The following UBE2E2 variants were observed in gnomAD, a reference collection of about 807,000 sequenced individuals.
UBE2E2 encodes the protein ubiquitin-conjugating enzyme E2 E2.
UBE2E2 carries 6 observed loss-of-function variants against 24.7 expected under a neutral mutation model. That is an observed-to-expected ratio of 0.24 (90% CI 0.13 to 0.48). The LOEUF (loss-of-function observed/expected upper bound fraction) is 0.48. UBE2E2 is among the 20% of genes least tolerant of loss of function. The pLI is 0.99. For synonymous variants in UBE2E2, 104 were observed against 83.6 expected (o/e 1.24, Z -1.33); for missense variants, 169 against 245.0 (o/e 0.69, Z 2.07).
intron 4 of UBE2E2, among the ~76,000 whole-genome samples, chr3:23,502,277 A>G (rs1403270727): frequency 6.6e-6 from 1 of 150,880 alleles, no homozygotes; most frequent in Non-Finnish European, 1.5e-5. Flanking sequence ...GATTCCTGCA[A>G]CATTTCCCAA....
chr3:23,269,816 G>T (rs1319719119), intron 3 of UBE2E2, among the ~76,000 whole-genome samples: 1 of 152,176 alleles, frequency 6.6e-6, no homozygotes, highest in Non-Finnish European at 1.5e-5. Context: ...GGAAAATGAT[G>T]TGCAGCTTAA....
At chr3:23,422,970 C>A (rs1697839488) in intron 3 of UBE2E2, among the ~76,000 whole-genome samples, 1 of 152,176 alleles carries the variant, frequency 6.6e-6, no homozygotes, top group South Asian at 2.1e-4. Context: ...TTATCACCTT[C>A]CCATACTAGG....
In UBE2E2 at chr3:23,217,922, A is replaced by G. The variant is rs548960734; in HGVS notation, c.227+610A>G. Among the ~76,000 whole-genome samples, 18 of 152,240 alleles carry G rather than the reference A, an allele frequency of 1.2e-4. No individual in the cohort carries two copies. In the East Asian group the frequency reaches 3.3e-3, roughly 28 times the overall value. ...GTTAATGTTATAAAGATACATGGAC[A>G]AAGAGGAGAAAAATAACCTCTTACC... On this transcript the variant is annotated intron_variant, in intron 3 of 5. Coordinates refer to ENST00000396703, the MANE Select transcript of UBE2E2 (RefSeq NM_152653.4).
At chr3:23,400,202 A>G (rs1158443775) in intron 3 of UBE2E2, among the ~76,000 whole-genome samples, 1 of 152,218 alleles carries the variant, frequency 6.6e-6, no homozygotes, top group African/African-American at 2.4e-5. Context: ...CAAAATACCA[A>G]GCTTGGAAAA....
At chr3:23,550,222 A>G (rs113516125) in intron 5 of UBE2E2, among the ~76,000 whole-genome samples, 3,391 of 152,238 alleles carry the variant, frequency 0.022, 142 homozygotes, top group African/African-American at 0.076. Flanking sequence ...TTTATAATCT[A>G]GATAACTATT....
chr3:23,512,523 G>A (rs1694624703), intron 4 of UBE2E2, among the ~76,000 whole-genome samples: 1 of 152,006 alleles, frequency 6.6e-6, no homozygotes, highest in Non-Finnish European at 1.5e-5. Flanking sequence ...ACGGGCATGA[G>A]CCACTGCACC....
chr3:23,453,257 T>TA (rs1698604767), intron 3 of UBE2E2, among the ~76,000 whole-genome samples: 1 of 152,228 alleles, frequency 6.6e-6, no homozygotes, highest in South Asian at 2.1e-4. Context: ...TTATTTAAAA[T>TA]ATTGAATTTT....
intron 4 of UBE2E2, among the ~76,000 whole-genome samples, chr3:23,504,783 A>G (rs1006338360): frequency 6.6e-6 from 1 of 152,146 alleles, no homozygotes; most frequent in Admixed American, 6.5e-5. Flanking sequence ...ACATCAAATA[A>G]AATTAACAAG....
chr3:23,339,601 T>G (rs1038477659), intron 3 of UBE2E2, among the ~76,000 whole-genome samples: 3 of 152,110 alleles, frequency 2.0e-5, no homozygotes, highest in Non-Finnish European at 4.4e-5. Flanking sequence ...TTTTCTTTAA[T>G]TTAATGAAGG....
intron 3 of UBE2E2, among the ~76,000 whole-genome samples, chr3:23,470,945 A>G (rs1699022622): frequency 6.6e-6 from 1 of 152,150 alleles, no homozygotes; most frequent in African/African-American, 2.4e-5. Context: ...CTGGACAGTT[A>G]TGTTCCGACA....
intron 5 of UBE2E2, among the ~76,000 whole-genome samples, chr3:23,540,745 C>T (rs545555974): frequency 6.6e-6 from 1 of 152,148 alleles, no homozygotes; most frequent in Admixed American, 6.5e-5. Context: ...GATGAAACCT[C>T]ATTCTGTTGC....
intron 3 of UBE2E2, among the ~76,000 whole-genome samples, chr3:23,406,534 C>T (rs1393982940): frequency 1.3e-5 from 2 of 152,058 alleles, no homozygotes; most frequent in Non-Finnish European, 2.9e-5. Context: ...TATGTATCCG[C>T]TTGAAACTGT....
intron 3 of UBE2E2, among the ~76,000 whole-genome samples, chr3:23,423,880 G>T (rs1456147696): frequency 6.6e-6 from 1 of 152,126 alleles, no homozygotes; most frequent in African/African-American, 2.4e-5. Context: ...TAGCAGTGGA[G>T]TACTGAAAAC....
intron 3 of UBE2E2, among the ~76,000 whole-genome samples, chr3:23,332,878 T>C (rs991074351): frequency 3.9e-5 from 6 of 152,184 alleles, no homozygotes; most frequent in Non-Finnish European, 1.5e-5. Context: ...CCCAGCACTT[T>C]ATAAGACTCC....
intron 3 of UBE2E2, among the ~76,000 whole-genome samples, chr3:23,487,886 T>G (rs1219993299): frequency 6.6e-6 from 1 of 152,118 alleles, no homozygotes; most frequent in East Asian, 1.9e-4. Flanking sequence ...CTGGTTGAAT[T>G]GTCTTCCACT....
At chr3:23,389,011 A>G (rs1215694668) in intron 3 of UBE2E2, among the ~76,000 whole-genome samples, 1 of 151,822 alleles carries the variant, frequency 6.6e-6, no homozygotes, top group African/African-American at 2.4e-5. Flanking sequence ...CCAAAAAAAA[A>G]AAAAAAAGAA....
intron 3 of UBE2E2, among the ~76,000 whole-genome samples, chr3:23,368,836 C>G (rs1696327372): frequency 6.6e-6 from 1 of 152,120 alleles, no homozygotes; most frequent in Non-Finnish European, 1.5e-5. Flanking sequence ...ACTGTACATC[C>G]ATTTCTAATA....
chr3:23,237,916 T>C (rs951665845), intron 3 of UBE2E2, among the ~76,000 whole-genome samples: 6 of 152,192 alleles, frequency 3.9e-5, no homozygotes, highest in African/African-American at 1.4e-4. Context: ...TTTTAAAGTC[T>C]TATACAAACT....
chr3:23,348,994 C>T (rs954997456), intron 3 of UBE2E2, among the ~76,000 whole-genome samples: 1 of 152,112 alleles, frequency 6.6e-6, no homozygotes, highest in African/African-American at 2.4e-5. Context: ...CTGACCACCC[C>T]CCCACCACCT....
Sources: allele counts gnomAD v4.1 joint callset (sites outside exome capture counted in the v4.1 genomes callset), GRCh38; gene constraint gnomAD v4.1.1; transcripts MANE v1.5; gene names NCBI Gene and HGNC (gene_info 2026-07-23, HGNC 2026-07-21).